The following EP300 variants were observed in gnomAD, a reference collection of about 807,000 sequenced individuals.
EP300 encodes EP300 lysine acetyltransferase.
A neutral mutation model predicts 264.0 loss-of-function variants in EP300; 31 were observed. The ratio of observed to expected loss-of-function variants is 0.12; its 90% CI spans 0.09 to 0.16. EP300 has a LOEUF of 0.16. Among genes scored for constraint, EP300 ranks in the 10% least tolerant of loss-of-function variants. The pLI is 1.00. For missense variants in EP300, 2,766 were observed against 3,052.9 expected (o/e 0.91, Z 2.21); for synonymous variants, 1,340 against 1,045.4 (o/e 1.28, Z -5.44).
At chr22:41,137,523 C>A in intron 7 of EP300, 130 bp from the exon 8 acceptor site, 1 of 1,221,920 alleles carries the variant, frequency 8.2e-7, no homozygotes, top group Non-Finnish European at 1.2e-6. Context: ...TTCTCCCTGC[C>A]TAGCTCCTTA....
intron 21 of EP300, among the ~76,000 whole-genome samples, chr22:41,163,416 C>G (rs2059118082): frequency 9.0e-6 from 1 of 110,856 alleles, no homozygotes; most frequent in Non-Finnish European, 1.7e-5. Context: ...GCCTGGGCGA[C>G]AGAGCGAGAC....
chr22:41,140,167 T>G lies in EP300; in HGVS notation c.1788T>G (p.Asp596Glu). ...KLVQAIFPTP[D>E]PAALKDRRME... ...TCCAAGCCATATTTCCTACGCCGGA[T>G]CCTGCTGCTTTAAAAGACAGACGGA... The change falls in exon 9 of 31, where the codon GAT becomes GAG. Residue 596 changes from aspartate (D) to glutamate (E), a missense_variant. Asp to Glu is a conservative substitution (Grantham distance 45, BLOSUM62 2). Transcript: ENST00000263253. The G allele has an allele frequency of 6.2e-7, 1 of 1,614,136 alleles. No individual in the cohort carries two copies. Among genetic ancestry groups the G allele is most frequent in the Non-Finnish European group, 8.5e-7 (1 of 1,179,978 alleles).
At chr22:41,151,799 G>C in intron 14 of EP300, 34 bp from the exon 15 acceptor site, 6 of 1,608,354 alleles carry the variant, frequency 3.7e-6, no homozygotes, top group Non-Finnish European at 4.3e-6. Context: ...GACTCTGCGT[G>C]TGTCTCACCT....
At position 41,176,893 on chromosome 22, in the gene EP300, G is replaced by A. The variant is rs931364072; in HGVS notation, c.5182G>A (p.Gly1728Ser). 4.3e-6 allele frequency: 7 copies of A among 1,613,982 alleles called. No individual in the cohort carries two copies. The African/African-American group carries it at 9.3e-5, about 22-fold the overall frequency. ...GCAGGCTGCAGCCACCCAGAGCCCA[G>A]GCGATTCTCGCCGCCTGAGTATCCA... ...NQQAAATQSP[G>S]DSRRLSIQRC... The change falls in exon 31 of 31, where the codon GGC (glycine) becomes AGC (serine). Residue 1728 changes from glycine to serine, a missense_variant. Gly to Ser is a moderately conservative substitution (Grantham distance 56, BLOSUM62 0). Transcript: ENST00000263253.
In EP300 at chr22:41,178,149, C is replaced by G; in HGVS notation, c.6438C>G (p.Pro2146=). 6.2e-7 allele frequency: 1 copy of G among 1,614,154 alleles called. No homozygotes were observed. Among genetic ancestry groups the G allele is most frequent in the Non-Finnish European group, 8.5e-7 (1 of 1,180,026 alleles). Reference sequence around the variant, plus strand: ...CGGGCGTTCAGAGGGCTGGCCTGCCCCAGCAGCAACCACAGCAGCAACTCC... The same window carrying G: ...CGGGCGTTCAGAGGGCTGGCCTGCCGCAGCAGCAACCACAGCAGCAACTCC... ...MQAGVQRAGL[P]QQQPQQQLQP... The change falls in exon 31 of 31, where the codon CCC becomes CCG. Residue 2146 remains proline (P), a synonymous_variant. Transcript: ENST00000263253.
At chr22:41,156,253 TC>T (rs2059076282) in intron 17 of EP300, among the ~76,000 whole-genome samples, 1 of 152,072 alleles carries the variant, frequency 6.6e-6, no homozygotes, top group South Asian at 2.1e-4. Context: ...CCTCAGATGA[TC>T]CACCCACCTC....
At position 41,158,630 on chromosome 22, in the gene EP300, C is replaced by G. The variant is rs143785774; in HGVS notation, c.3590+130C>G. On this transcript the variant is annotated intron_variant, in intron 19 of 30. Coordinates refer to ENST00000263253, the MANE Select transcript of EP300 (RefSeq NM_001429.4). ...TGAAGACAGCTGTATAGCACAAGTT[C>G]TGTTTTTTGCCTTCTGCCTTTGTTT... The G allele has an allele frequency of 3.9e-4, 289 of 750,168 alleles. 2 individuals carry two copies. In the Admixed American group the frequency reaches 5.6e-3, roughly 15 times the overall value. 46.5% of individuals were successfully genotyped at this position (750,168 alleles called of 1,614,324 possible).
At position 41,101,450 on chromosome 22, in the gene EP300, C is replaced by T. The variant is rs569282206; in HGVS notation, c.94+8352C>T. ...TTTTTGAGACGGAGTCTAGCTCTGTCACCCAGGCTAGAGTGCAGTGACACG... is the reference window on the plus strand; with the variant it reads ...TTTTTGAGACGGAGTCTAGCTCTGTTACCCAGGCTAGAGTGCAGTGACACG... On this transcript the variant is annotated intron_variant, in intron 1 of 30. Coordinates refer to ENST00000263253, the MANE Select transcript of EP300 (RefSeq NM_001429.4). 4.8e-5 allele frequency among the ~76,000 whole-genome samples: 7 copies of T among 146,984 alleles called. No individual in the cohort carries two copies. The South Asian group carries it at 1.5e-3, about 32-fold the overall frequency.
chr22:41,112,512 T>C (rs996919158), intron 1 of EP300, among the ~76,000 whole-genome samples: 9 of 152,196 alleles, frequency 5.9e-5, no homozygotes, highest in Non-Finnish European at 1.0e-4. Flanking sequence ...ATGAATCTTA[T>C]ATTTTCTTTA....
chr22:41,123,971 G>A (rs1254242007), intron 2 of EP300, among the ~76,000 whole-genome samples: 1 of 152,186 alleles, frequency 6.6e-6, no homozygotes, highest in Non-Finnish European at 1.5e-5. Flanking sequence ...AGAGGGAGCC[G>A]GCACAGTGGC....
rs796194082 is a variant in EP300, at chr22:41,178,924, A to G, written c.7213A>G (p.Asn2405Asp). Residue 2405 changes from asparagine (N) to aspartate (D), a missense_variant, in exon 31 of 31, where the codon AAC becomes GAC. Coordinates refer to ENST00000263253, the MANE Select transcript of EP300 (RefSeq NM_001429.4). ...CACCGATAACTCAGACTTGAATTCA[A>G]ACCTCTCACAGAGTACACTAGACAT... ...LSTDNSDLNS[N>D]LSQSTLDIH The G allele has an allele frequency of 9.9e-6, 16 of 1,614,222 alleles. No individual in the cohort carries two copies. Among genetic ancestry groups the G allele is most frequent in the East Asian group, 6.7e-5 (3 of 44,890 alleles).
chr22:41,178,250 G>A lies in EP300; in HGVS notation c.6539G>A (p.Arg2180Gln), dbSNP rs745390323. The A allele has an allele frequency of 1.7e-5, 28 of 1,613,834 alleles. No homozygotes were observed. The highest frequency in any genetic ancestry group is 4.4e-5 in the South Asian group (4 of 91,074). The change falls in exon 31 of 31, where the codon CGA (arginine) becomes CAA (glutamine). Residue 2180 changes from arginine to glutamine, a missense_variant. Physicochemically the swap from Arg to Gln is conservative, Grantham distance 43. Coordinates refer to ENST00000263253, the MANE Select transcript of EP300 (RefSeq NM_001429.4). ...CACAACACCATGCCTTCACAATTCC[G>A]AGACATCTTGAGACGACAGCAAATG... is the stretch of plus-strand genomic sequence containing the variant. Reference protein sequence around the residue: ...MNHNTMPSQFRDILRRQQMMQ... With the variant: ...MNHNTMPSQFQDILRRQQMMQ...
At chr22:41,125,523 C>T (rs1188128165) in intron 2 of EP300, among the ~76,000 whole-genome samples, 4 of 151,972 alleles carry the variant, frequency 2.6e-5, no homozygotes, top group Non-Finnish European at 4.4e-5. Context: ...GCCTTGGCCT[C>T]GCAAAGTGGT....
chr22:41,143,575 TTTTG>T (rs1328089272), intron 10 of EP300, among the ~76,000 whole-genome samples: 2 of 152,054 alleles, frequency 1.3e-5, no homozygotes, highest in African/African-American at 4.8e-5. Flanking sequence ...TTGTTGTTGG[TTTTG>T]TTTTTGTTTT....
Position 41,146,503 on chromosome 22 carries a change from T to G in EP300, c.2054-236T>G, listed in dbSNP as rs1325742159. ...CAATAGCTTATTTTTCTATCAACAT[T>G]GAAAGCACCCGGGCTCATAAAGGAA... On this transcript the variant is annotated intron_variant, in intron 10 of 30. Transcript: ENST00000263253. 5 of 529,146 alleles carry G rather than the reference T, an allele frequency of 9.4e-6. No homozygotes were observed. In the Admixed American group the frequency reaches 1.6e-4, roughly 17 times the overall value. The allele number at this position is 529,146 out of a possible 1,614,324, so 32.8% of individuals were successfully genotyped here. A position where few individuals can be genotyped will look rare whatever the true frequency, so the allele number is the denominator to read the frequency against.
intron 21 of EP300, among the ~76,000 whole-genome samples, chr22:41,163,304 G>A (rs1025725495): frequency 3.3e-5 from 5 of 150,630 alleles, no homozygotes. Context: ...GCGTAGTGGC[G>A]GGCGCCTGTA....
intron 1 of EP300, among the ~76,000 whole-genome samples, chr22:41,113,254 G>A (rs945248325): frequency 6.2e-5 from 9 of 145,296 alleles, no homozygotes; most frequent in Middle Eastern, 3.7e-3. Context: ...TATTTTCTCC[G>A]GAATTTATTT....
intron 17 of EP300, among the ~76,000 whole-genome samples, chr22:41,155,988 T>G (rs1418930334): frequency 3.9e-5 from 6 of 152,124 alleles, no homozygotes. Flanking sequence ...TTATATAGTT[T>G]GTTTACTTTT....
At chr22:41,146,587 G>A (rs1188843580) in intron 10 of EP300, 152 bp from the exon 11 acceptor site, 2 of 692,138 alleles carry the variant, frequency 2.9e-6, no homozygotes, top group African/African-American at 1.8e-5. Context: ...TTTTCTTCAA[G>A]CTTCTGTCTA....
Sources: allele counts gnomAD v4.1 joint callset (sites outside exome capture counted in the v4.1 genomes callset), GRCh38; gene constraint gnomAD v4.1.1; transcripts MANE v1.5; gene names NCBI Gene and HGNC (gene_info 2026-07-23, HGNC 2026-07-21).